Variants in AGTPBP1 observed in about 807,000 individuals in gnomAD.
AGTPBP1 encodes the protein cytosolic carboxypeptidase 1.
A neutral mutation model predicts 143.9 loss-of-function variants in AGTPBP1; 70 were observed. The ratio of observed to expected loss-of-function variants is 0.49; its 90% CI spans 0.40 to 0.59. The LOEUF is 0.59. AGTPBP1 is among the 20% of genes least tolerant of loss of function. The pLI is 0.00. For missense variants in AGTPBP1, 1,229 were observed against 1,464.5 expected (o/e 0.84, Z 2.62); for synonymous variants, 463 against 500.2 (o/e 0.93, Z 0.99).
intron 6 of AGTPBP1, among the ~76,000 whole-genome samples, chr9:85,673,426 G>A (rs936242784): frequency 6.6e-6 from 1 of 151,926 alleles, no homozygotes; most frequent in African/African-American, 2.4e-5. Context: ...ATTCTTTTCT[G>A]ACTTGTAAAA....
At position 85,677,488 on chromosome 9, in the gene AGTPBP1, A is replaced by C. The variant is rs753400520; in HGVS notation, c.384T>G (p.His128Gln). 3 of 1,605,364 alleles carry C rather than the reference A, an allele frequency of 1.9e-6. No individual in the cohort carries two copies. In the South Asian group the frequency reaches 3.3e-5, roughly 18 times the overall value. Residue 128 changes from histidine to glutamine, a missense_variant, in exon 6 of 26, where the codon CAT (histidine) becomes CAG (glutamine). His to Gln is a conservative substitution (Grantham distance 24). Transcript: ENST00000357081. ...LMNASKESPP[H>Q]EDLMVQIHSI... ...AATGAATCTGTACCATTAAGTCCTC[A>C]TGTGGGGGAGATTCTTTGCTGGCAT...
chr9:85,657,662 G>A lies in AGTPBP1; in HGVS notation c.701-19C>T. On this transcript the variant is annotated intron_variant, in intron 9 of 25. Coordinates refer to ENST00000357081, the MANE Select transcript of AGTPBP1 (RefSeq NM_001330701.2). ...TTTGTTTCTTTAACAAAAGAAGATT[G>A]AGAAAGAATATTTTTTAAATGACGA... is the stretch of plus-strand genomic sequence containing the variant. 1 of 1,561,720 alleles carries A rather than the reference G, an allele frequency of 6.4e-7. No individual in the cohort carries two copies. The highest frequency in any genetic ancestry group is 8.7e-7 in the Non-Finnish European group (1 of 1,148,540).
chr9:85,574,073 C>T (rs1343435754), intron 25 of AGTPBP1, among the ~76,000 whole-genome samples: 10 of 152,082 alleles, frequency 6.6e-5, no homozygotes, highest in Non-Finnish European at 1.2e-4. Flanking sequence ...ATGGTTGCTG[C>T]GTCTGTGTAG....
intron 8 of AGTPBP1, among the ~76,000 whole-genome samples, chr9:85,667,994 G>A (rs1310897162): frequency 4.6e-5 from 7 of 150,760 alleles, no homozygotes; most frequent in African/African-American, 1.7e-4. Flanking sequence ...AAAGACAACT[G>A]CGGTAACACT....
At chr9:85,749,956 A>G in the AGTPBP1 span, among the ~76,000 whole-genome samples, 1 of 149,438 alleles carries the variant, frequency 6.7e-6, no homozygotes, top group Non-Finnish European at 1.5e-5. Flanking sequence ...ATCTCATCTC[A>G]CTGCAAGCTC....
the AGTPBP1 span, among the ~76,000 whole-genome samples, chr9:85,756,655 T>C: frequency 6.6e-6 from 1 of 152,076 alleles, no homozygotes; most frequent in Non-Finnish European, 1.5e-5. Flanking sequence ...AACATGAACA[T>C]TCATAGTAAC....
At chr9:85,560,177 TC>T (rs1408418610) in intron 25 of AGTPBP1, among the ~76,000 whole-genome samples, 1 of 152,116 alleles carries the variant, frequency 6.6e-6, no homozygotes, top group Non-Finnish European at 1.5e-5. Context: ...AGTTCCAACT[TC>T]CTTCACTTTG....
intron 14 of AGTPBP1, among the ~76,000 whole-genome samples, chr9:85,621,781 G>A (rs1387016281): frequency 6.6e-6 from 1 of 152,164 alleles, no homozygotes; most frequent in Non-Finnish European, 1.5e-5. Context: ...TGGTGGGAAA[G>A]GAAAGGTAGA....
the AGTPBP1 span, among the ~76,000 whole-genome samples, chr9:85,800,559 T>G: frequency 6.6e-6 from 1 of 152,200 alleles, no homozygotes; most frequent in African/African-American, 2.4e-5. Flanking sequence ...TATATCTTTT[T>G]TATTCCTTTA....
intron 13 of AGTPBP1, among the ~76,000 whole-genome samples, chr9:85,636,339 G>A (rs1832047519): frequency 7.0e-6 from 1 of 143,236 alleles, no homozygotes; most frequent in South Asian, 2.2e-4. Flanking sequence ...TCAGCTCACT[G>A]CAAGCTCCAA....
intron 18 of AGTPBP1, among the ~76,000 whole-genome samples, chr9:85,594,483 GTGAGAGGATCACT>G (rs1170417782): frequency 6.6e-6 from 1 of 152,164 alleles, no homozygotes; most frequent in Non-Finnish European, 1.5e-5. Flanking sequence ...GGAAGCTGAG[GTGAGAGGATCACT>G]TGAGCCTGGG....
At chr9:85,549,317 C>T (rs1825903895) in intron 25 of AGTPBP1, among the ~76,000 whole-genome samples, 1 of 152,128 alleles carries the variant, frequency 6.6e-6, no homozygotes, top group Non-Finnish European at 1.5e-5. Context: ...CAAGAAGTGG[C>T]CAGTGTCTCC....
At chr9:85,651,523 T>C (rs911013803) in intron 11 of AGTPBP1, among the ~76,000 whole-genome samples, 4 of 152,214 alleles carry the variant, frequency 2.6e-5, no homozygotes, top group African/African-American at 9.7e-5. Context: ...AACTATTTAG[T>C]ATTATATAGT....
At chr9:85,594,489 G>GGATCACTTGAGCCTGGGAGTGAT (rs1829170058) in intron 18 of AGTPBP1, among the ~76,000 whole-genome samples, 4 of 152,226 alleles carry the variant, frequency 2.6e-5, no homozygotes, top group Admixed American at 6.5e-5. Context: ...TGAGGTGAGA[G>GGATCACTTGAGCCTGGGAGTGAT]GATCACTTGA....
chr9:85,762,563 T>G, the AGTPBP1 span, among the ~76,000 whole-genome samples: 2 of 143,536 alleles, frequency 1.4e-5, no homozygotes, highest in East Asian at 4.1e-4. Flanking sequence ...TAGGTGCGAA[T>G]TGAACAATGC....
At chr9:85,759,995 A>T in the AGTPBP1 span, among the ~76,000 whole-genome samples, 1,319 of 152,296 alleles carry the variant, frequency 8.7e-3, 23 homozygotes, top group African/African-American at 0.029. Context: ...AAACACCTCT[A>T]CGCAAATAAA....
chr9:85,745,559 A>C (rs1824570379), upstream of AGTPBP1, among the ~76,000 whole-genome samples: 1 of 152,250 alleles, frequency 6.6e-6, no homozygotes, highest in African/African-American at 2.4e-5. Flanking sequence ...ACCAGAGCTG[A>C]ATCTAAATGA....
At chr9:85,664,219 T>C (rs576939584) in intron 8 of AGTPBP1, among the ~76,000 whole-genome samples, 6 of 152,154 alleles carry the variant, frequency 3.9e-5, no homozygotes, top group African/African-American at 1.2e-4. Context: ...CTGGGGGTGA[T>C]AGAGATGTTA....
chr9:85,671,116 CT>C (rs759666236), intron 7 of AGTPBP1, among the ~76,000 whole-genome samples: 1,800 of 143,758 alleles, frequency 0.013, 12 homozygotes, highest in Non-Finnish European at 0.018. Context: ...CAATTTTTTC[CT>C]TTTTTTTTTT....
Sources: allele counts gnomAD v4.1 joint callset (sites outside exome capture counted in the v4.1 genomes callset), GRCh38; gene constraint gnomAD v4.1.1; transcripts MANE v1.5; gene names NCBI Gene and HGNC (gene_info 2026-07-23, HGNC 2026-07-21).